The following CACNA1C variants were observed in gnomAD, a reference collection of about 807,000 sequenced individuals.
CACNA1C encodes the protein voltage-dependent L-type calcium channel subunit alpha-1C.
Under a neutral mutation model 229.0 loss-of-function variants are expected in CACNA1C, and 30 were observed. The ratio of observed to expected loss-of-function variants is 0.13; its 90% CI spans 0.10 to 0.18. The LOEUF (loss-of-function observed/expected upper bound fraction) is 0.18. Ranked by LOEUF, CACNA1C falls within the 10% of genes least tolerant of loss-of-function variation. The pLI is 1.00. For synonymous variants in CACNA1C, 1,114 were observed against 1,132.5 expected (o/e 0.98, Z 0.33); for missense variants, 1,658 against 2,845.0 (o/e 0.58, Z 9.49).
Position 2,192,992 on chromosome 12 carries a change from C to T in CACNA1C, c.477+72562C>T, listed in dbSNP as rs138348816. Among the ~76,000 whole-genome samples, 291 of 152,286 alleles carry T rather than the reference C, an allele frequency of 1.9e-3. 3 individuals carry two copies. Among genetic ancestry groups the T allele is most frequent in the African/African-American group, 6.6e-3 (273 of 41,552 alleles). ...ACAGCTGTCTGTTTGAGCAGATTTC[C>T]CCACCTCGGATTCAAGATGTCATTC... On this transcript the variant is annotated intron_variant, in intron 3 of 46. Transcript: ENST00000399655.
At chr12:2,370,447 C>T (rs2097837665) in intron 3 of CACNA1C, among the ~76,000 whole-genome samples, 1 of 152,034 alleles carries the variant, frequency 6.6e-6, no homozygotes, top group African/African-American at 2.4e-5. Flanking sequence ...GAGGAGAGAA[C>T]CTAACATCAA....
intron 1 of CACNA1C, among the ~76,000 whole-genome samples, chr12:2,014,564 T>C (rs2045008411): frequency 6.6e-6 from 1 of 152,168 alleles, no homozygotes; most frequent in Admixed American, 6.5e-5. Context: ...AATGGACACA[T>C]AAGCAGGTAA....
At chr12:2,572,336 TTCTTCCTCCTCC>T (rs2055213629) in intron 13 of CACNA1C, among the ~76,000 whole-genome samples, 1 of 24,792 alleles carries the variant, frequency 4.0e-5, no homozygotes, top group Admixed American at 4.6e-4. Context: ...CCTCCTTCTC[TTCTTCCTCCTCC>T]TCCTCCTCTC....
chr12:2,513,036 C>G (rs2099788177), intron 9 of CACNA1C, 52 bp downstream of exon 9: 1 of 1,479,050 alleles, frequency 6.8e-7, no homozygotes, highest in Non-Finnish European at 9.2e-7. Context: ...GGAGAGGAGA[C>G]AGCATCGGGG....
intron 3 of CACNA1C, among the ~76,000 whole-genome samples, chr12:2,199,364 A>G (rs1027145914): frequency 3.9e-5 from 6 of 152,266 alleles, no homozygotes; most frequent in Non-Finnish European, 7.4e-5. Context: ...AGTCTACTCA[A>G]TGTGAAGACG....
chr12:2,341,213 C>T (rs1347992672), intron 3 of CACNA1C, among the ~76,000 whole-genome samples: 1 of 152,222 alleles, frequency 6.6e-6, no homozygotes, highest in Non-Finnish European at 1.5e-5. Flanking sequence ...TTCCTCCCTG[C>T]ATCCTGGCTG....
chr12:2,172,629 C>T (rs900133318), intron 3 of CACNA1C, among the ~76,000 whole-genome samples: 6 of 152,176 alleles, frequency 3.9e-5, no homozygotes, highest in East Asian at 1.9e-4. Flanking sequence ...ATAAGGCTCC[C>T]GTCTTTCTCT....
intron 1 of CACNA1C, among the ~76,000 whole-genome samples, chr12:2,008,902 C>T (rs900368322): frequency 2.3e-4 from 35 of 152,226 alleles, no homozygotes; most frequent in African/African-American, 4.6e-4. Flanking sequence ...TCTAGGATGA[C>T]GCCAGCCTTC....
intron 3 of CACNA1C, among the ~76,000 whole-genome samples, chr12:2,379,424 T>C (rs994906498): frequency 6.6e-6 from 1 of 152,200 alleles, no homozygotes; most frequent in African/African-American, 2.4e-5. Flanking sequence ...GGAAAAAGCT[T>C]TTAACCCTGA....
intron 3 of CACNA1C, among the ~76,000 whole-genome samples, chr12:2,343,129 G>A (rs972245924): frequency 6.6e-6 from 1 of 152,178 alleles, no homozygotes; most frequent in Non-Finnish European, 1.5e-5. Context: ...CCTGATTCTA[G>A]GCTGGGACTC....
chr12:2,424,374 G>A (rs149472110), intron 3 of CACNA1C, among the ~76,000 whole-genome samples: 134 of 152,278 alleles, frequency 8.8e-4, no homozygotes, highest in African/African-American at 2.8e-3. Context: ...GAGGGAAAAC[G>A]GGGAGAAGGT....
chr12:2,491,727 TCTC>T (rs1183652080), intron 6 of CACNA1C, among the ~76,000 whole-genome samples: 2 of 152,180 alleles, frequency 1.3e-5, no homozygotes, highest in Admixed American at 1.3e-4. Flanking sequence ...TAGACTCTAT[TCTC>T]CTAAGAATTA....
chr12:2,289,651 C>G (rs1181362700), intron 3 of CACNA1C, among the ~76,000 whole-genome samples: 1 of 152,058 alleles, frequency 6.6e-6, no homozygotes, highest in East Asian at 1.9e-4. Flanking sequence ...CTCACCGAGA[C>G]TTGTGTGCCA....
In CACNA1C at chr12:2,287,707, C is replaced by A. The variant is rs1036835743; in HGVS notation, c.478-161269C>A. On this transcript the variant is annotated intron_variant, in intron 3 of 46. Transcript: ENST00000399655. The surrounding 1 kb of genome is among the most constrained non-coding windows in gnomAD (Gnocchi z 4.6). ...CTTCATTTTCAAACTTGAGTGGGCA[C>A]CAGAATCACCTGGAGGATTTGTGTA... Among the ~76,000 whole-genome samples, 4 of 152,184 alleles carry A rather than the reference C, an allele frequency of 2.6e-5. No homozygotes were observed. The highest frequency in any genetic ancestry group is 9.7e-5 in the African/African-American group (4 of 41,438).
intron 3 of CACNA1C, among the ~76,000 whole-genome samples, chr12:2,431,554 A>G (rs894110635): frequency 1.3e-5 from 2 of 152,206 alleles, no homozygotes; most frequent in South Asian, 2.1e-4. Context: ...TCGGTAGAAC[A>G]TGATAGTTAA....
At chr12:2,360,183 A>T (rs1331669173) in intron 3 of CACNA1C, among the ~76,000 whole-genome samples, 3 of 28,766 alleles carry the variant, frequency 1.0e-4, no homozygotes, top group Non-Finnish European at 2.0e-4. Flanking sequence ...CACCCCACAC[A>T]CACACACACA....
At position 2,697,948 on chromosome 12, in the gene CACNA1C, C is replaced by G. The variant is rs923986066; in HGVS notation, c.*6749C>G. On this transcript the variant is annotated 3_prime_UTR_variant, in exon 47 of 47. Transcript: ENST00000399655. Reference sequence around the variant, plus strand: ...TTGCAAATAAATTTCTTAACAATGTCTACATTGACTTCATTGTATCTTCCC... The same window carrying G: ...TTGCAAATAAATTTCTTAACAATGTGTACATTGACTTCATTGTATCTTCCC... 1 of 152,666 alleles carries G rather than the reference C, an allele frequency of 6.6e-6. No homozygotes were observed. The highest frequency in any genetic ancestry group is 2.4e-5 in the African/African-American group (1 of 41,458). 9.5% of individuals were successfully genotyped at this position (152,666 alleles called of 1,614,324 possible). A position where few individuals can be genotyped will look rare whatever the true frequency, so the allele number is the denominator to read the frequency against.
At chr12:2,111,611 G>T (rs1430415345) in intron 1 of CACNA1C, among the ~76,000 whole-genome samples, 1 of 152,052 alleles carries the variant, frequency 6.6e-6, no homozygotes, top group East Asian at 1.9e-4. Flanking sequence ...TGAATTGGGG[G>T]CTGGGAATGC....
chr12:2,218,782 A>C (rs2060660620), intron 3 of CACNA1C, among the ~76,000 whole-genome samples: 1 of 152,224 alleles, frequency 6.6e-6, no homozygotes, highest in Admixed American at 6.5e-5. Flanking sequence ...GGAGGTTCTC[A>C]GATCAGTTGC....
Sources: allele counts gnomAD v4.1 joint callset (sites outside exome capture counted in the v4.1 genomes callset), GRCh38; gene constraint gnomAD v4.1.1; non-coding constraint Gnocchi (gnomAD v3.1); transcripts MANE v1.5; gene names NCBI Gene and HGNC (gene_info 2026-07-23, HGNC 2026-07-21).